TFEC: variants seen among roughly 807,000 people sequenced by gnomAD.
TFEC encodes class E basic helix-loop-helix protein 34.
In TFEC, 31 loss-of-function variants were observed where a neutral mutation model predicts 41.6. That is an observed-to-expected ratio of 0.74 (90% CI 0.56 to 1.01). TFEC has a LOEUF of 1.01. Among genes scored for constraint, TFEC ranks in the 50% least tolerant of loss-of-function variants. TFEC has a pLI of 0.00. For missense variants in TFEC, 402 were observed against 404.1 expected (o/e 0.99, Z 0.04); for synonymous variants, 143 against 140.6 (o/e 1.02, Z -0.12).
At chr7:116,124,638 C>T (rs1289983002) in intron 1 of TFEC, among the ~76,000 whole-genome samples, 2 of 152,106 alleles carry the variant, frequency 1.3e-5, no homozygotes, top group African/African-American at 4.8e-5. Context: ...TCTAGTGCAA[C>T]TGCAAGTAGT....
chr7:116,015,964 T>C (rs961861115), intron 1 of TFEC, among the ~76,000 whole-genome samples: 1 of 152,100 alleles, frequency 6.6e-6, no homozygotes, highest in Non-Finnish European at 1.5e-5. Context: ...GGGTTTTAGA[T>C]AAAGTCACTC....
intron 6 of TFEC, among the ~76,000 whole-genome samples, chr7:115,943,308 A>G (rs1261053579): frequency 6.6e-6 from 1 of 151,952 alleles, no homozygotes; most frequent in Non-Finnish European, 1.5e-5. Flanking sequence ...AGTATCTGTA[A>G]CTGAAACATG....
At chr7:115,967,013 G>A (rs1792886575) in intron 3 of TFEC, among the ~76,000 whole-genome samples, 1 of 151,538 alleles carries the variant, frequency 6.6e-6, no homozygotes, top group South Asian at 2.1e-4. Context: ...AGGCATTATA[G>A]TATGTATTTA....
chr7:116,033,832 C>T (rs1480560815), upstream of TFEC, among the ~76,000 whole-genome samples: 1 of 152,148 alleles, frequency 6.6e-6, no homozygotes, highest in Non-Finnish European at 1.5e-5. Flanking sequence ...CTTCTCCCAC[C>T]AGATGTTACT....
intron 1 of TFEC, among the ~76,000 whole-genome samples, chr7:116,146,419 T>C (rs1285801505): frequency 1.3e-5 from 2 of 152,212 alleles, no homozygotes; most frequent in African/African-American, 2.4e-5. Flanking sequence ...ACCTGCCTAT[T>C]GCAGCTTTGC....
chr7:116,114,662 GGAA>G (rs974169722), intron 1 of TFEC, among the ~76,000 whole-genome samples: 8 of 151,906 alleles, frequency 5.3e-5, no homozygotes, highest in African/African-American at 1.9e-4. Context: ...GCGAATCTGA[GGAA>G]GAAGATCTCT....
chr7:116,051,109 G>C (rs1190570945), intron 3 of TFEC, among the ~76,000 whole-genome samples: 1 of 152,072 alleles, frequency 6.6e-6, no homozygotes, highest in Non-Finnish European at 1.5e-5. Context: ...AGAACACTTG[G>C]ATGCAGGGTG....
chr7:116,034,295 T>C (rs1393293763), upstream of TFEC, among the ~76,000 whole-genome samples: 1 of 152,028 alleles, frequency 6.6e-6, no homozygotes, highest in Non-Finnish European at 1.5e-5. Context: ...TGCTAATGAC[T>C]CTCATGGTCA....
chr7:116,030,625 T>A lies in TFEC; in HGVS notation c.-73+8A>T. The A allele has an allele frequency of 1.0e-6, 1 of 985,320 alleles. No individual in the cohort carries two copies. Among genetic ancestry groups the A allele is most frequent in the Non-Finnish European group, 1.2e-6 (1 of 829,834 alleles). The allele number at this position is 985,320 out of a possible 1,614,324, so 61.0% of individuals were successfully genotyped here. Reference sequence around the variant, plus strand: ...ACAGAAAATTAACCTGCCGGTTTAGTTACCTACCAGCAATGAGTGGATTTT... The same window carrying A: ...ACAGAAAATTAACCTGCCGGTTTAGATACCTACCAGCAATGAGTGGATTTT... On this transcript the variant is annotated splice_region_variant and intron_variant, in intron 1 of 7. Coordinates refer to ENST00000265440, the MANE Select transcript of TFEC (RefSeq NM_012252.4).
At chr7:115,986,201 A>G (rs1257586918) in intron 1 of TFEC, among the ~76,000 whole-genome samples, 1 of 152,200 alleles carries the variant, frequency 6.6e-6, no homozygotes, top group Non-Finnish European at 1.5e-5. Context: ...CAACTATAGC[A>G]ACAACAACAA....
At chr7:116,061,690 T>A (rs1584468348) in intron 3 of TFEC, among the ~76,000 whole-genome samples, 1 of 145,478 alleles carries the variant, frequency 6.9e-6, no homozygotes, top group East Asian at 2.1e-4. Context: ...AGAAAAAAAA[T>A]TTCAAATCTT....
chr7:116,025,654 G>T (rs1231554645), intron 1 of TFEC, among the ~76,000 whole-genome samples: 1 of 152,152 alleles, frequency 6.6e-6, no homozygotes, highest in Non-Finnish European at 1.5e-5. Context: ...AGCTAAAAAT[G>T]CTGAACTTCT....
At chr7:116,002,651 T>C (rs910435011) in intron 1 of TFEC, among the ~76,000 whole-genome samples, 11 of 152,142 alleles carry the variant, frequency 7.2e-5, no homozygotes. Flanking sequence ...TTATTGTACA[T>C]TTAAAAATAA....
chr7:116,019,855 G>A (rs1223308055), intron 1 of TFEC, among the ~76,000 whole-genome samples: 1 of 152,064 alleles, frequency 6.6e-6, no homozygotes, highest in African/African-American at 2.4e-5. Context: ...AGCTAACTAA[G>A]GCTCAGAGAG....
chr7:116,075,365 C>G (rs912470015), intron 3 of TFEC, among the ~76,000 whole-genome samples: 9 of 152,166 alleles, frequency 5.9e-5, no homozygotes, highest in African/African-American at 9.7e-5. Flanking sequence ...GGAGAGAAAG[C>G]TGAGGGAATC....
At chr7:115,979,684 C>T (rs1793539175) in intron 2 of TFEC, among the ~76,000 whole-genome samples, 1 of 152,142 alleles carries the variant, frequency 6.6e-6, no homozygotes, top group Non-Finnish European at 1.5e-5. Context: ...CCAAACTCTA[C>T]ACTCCTTCTA....
rs200004203 is a variant in TFEC at position 115,940,806 on chromosome 7, T to C, written c.789A>G (p.Gln263=). ...TTGGCCCCTGAGACACAGTCAGTTG[T>C]TGGCAATAGTCTACTGAATTCTGCT... ...HPEQNSVDYC[Q]QLTVSQGPSP... Residue 263 remains glutamine (Q), a synonymous_variant, in exon 8 of 8, where the codon CAA becomes CAG. Transcript: ENST00000265440. 1.5e-5 allele frequency: 24 copies of C among 1,613,438 alleles called. No individual in the cohort carries two copies. Among genetic ancestry groups the C allele is most frequent in the Non-Finnish European group, 1.9e-5 (23 of 1,179,634 alleles).
chr7:116,094,629 C>T (rs1445219483), intron 3 of TFEC, among the ~76,000 whole-genome samples: 2 of 152,074 alleles, frequency 1.3e-5, no homozygotes, highest in South Asian at 2.1e-4. Flanking sequence ...GCAGTGACCT[C>T]AGATTGAGCC....
At chr7:115,960,964 T>C (rs906888599) in intron 3 of TFEC, among the ~76,000 whole-genome samples, 9 of 151,676 alleles carry the variant, frequency 5.9e-5, no homozygotes, top group African/African-American at 2.2e-4. Flanking sequence ...ATTACAAGCA[T>C]GTGTGCTCCT....
Sources: allele counts gnomAD v4.1 joint callset (sites outside exome capture counted in the v4.1 genomes callset), GRCh38; gene constraint gnomAD v4.1.1; transcripts MANE v1.5; gene names NCBI Gene and HGNC (gene_info 2026-07-23, HGNC 2026-07-21).